DSCAM: variants seen among roughly 807,000 people sequenced by gnomAD.
The protein encoded by DSCAM is cell adhesion molecule DSCAM.
In DSCAM, 47 loss-of-function variants were observed where a neutral mutation model predicts 217.7. That is an observed-to-expected ratio of 0.22 (90% CI 0.17 to 0.28). The LOEUF is 0.28. Among genes scored for constraint, DSCAM ranks in the 10% least tolerant of loss-of-function variants. The probability of loss-of-function intolerance (pLI) is 1.00; values close to 1 mark genes in which losing one functional copy is unlikely to be tolerated. For synonymous variants in DSCAM, 1,056 were observed against 1,015.3 expected (o/e 1.04, Z -0.76); for missense variants, 2,080 against 2,618.3 (o/e 0.79, Z 4.49).
intron 21 of DSCAM, among the ~76,000 whole-genome samples, chr21:40,090,602 A>G (rs1203812086): frequency 1.3e-5 from 2 of 151,256 alleles, no homozygotes; most frequent in Non-Finnish European, 2.9e-5. Context: ...ACAGCCTAAC[A>G]CCCTCCTGGC....
Position 40,108,735 on chromosome 21 carries a change from C to T in DSCAM, c.3697-14861G>A, listed in dbSNP as rs146050038. 2.9e-3 allele frequency among the ~76,000 whole-genome samples: 445 copies of T among 152,296 alleles called. 3 individuals are homozygous for T. The highest frequency in any genetic ancestry group is 9.4e-3 in the African/African-American group (390 of 41,556). On this transcript the variant is annotated intron_variant, in intron 20 of 32. Coordinates refer to ENST00000400454, the MANE Select transcript of DSCAM (RefSeq NM_001389.5). ...GAACAAAGCTAGAAGCATCATGCTA[C>T]TGGACTTCAAACTATACTACAGGGC...
At chr21:40,844,938 C>G (rs1316773149) in intron 1 of DSCAM, among the ~76,000 whole-genome samples, 1 of 152,194 alleles carries the variant, frequency 6.6e-6, no homozygotes, top group African/African-American at 2.4e-5. Context: ...CCAAGGAGTT[C>G]AGAAAGGTAC....
chr21:40,375,138 C>G (rs1325555709), intron 3 of DSCAM, among the ~76,000 whole-genome samples: 1 of 152,172 alleles, frequency 6.6e-6, no homozygotes. Flanking sequence ...TTTTATCTAA[C>G]AGGAAGGCCC....
chr21:40,456,499 G>A (rs1299180754), intron 3 of DSCAM, among the ~76,000 whole-genome samples: 1 of 151,916 alleles, frequency 6.6e-6, no homozygotes, highest in East Asian at 1.9e-4. Flanking sequence ...GGAATTGCAG[G>A]GGCTGTAAAA....
intron 3 of DSCAM, among the ~76,000 whole-genome samples, chr21:40,546,435 A>G (rs546961106): frequency 1.3e-5 from 2 of 152,330 alleles, no homozygotes; most frequent in South Asian, 2.1e-4. Flanking sequence ...CTGGATTCAA[A>G]TAACAGCCAC....
intron 20 of DSCAM, among the ~76,000 whole-genome samples, chr21:40,111,960 A>T (rs1024654514): frequency 1.3e-5 from 2 of 152,022 alleles, no homozygotes; most frequent in African/African-American, 4.8e-5. Context: ...CCCACACAAT[A>T]ATAATGGGAG....
intron 3 of DSCAM, among the ~76,000 whole-genome samples, chr21:40,623,780 T>C (rs1226217512): frequency 6.6e-6 from 1 of 152,226 alleles, no homozygotes; most frequent in Non-Finnish European, 1.5e-5. Flanking sequence ...TGTAAATATG[T>C]GGTCAAGAGA....
intron 14 of DSCAM, among the ~76,000 whole-genome samples, chr21:40,181,128 C>T (rs2090795331): frequency 6.6e-6 from 1 of 152,300 alleles, no homozygotes; most frequent in Non-Finnish European, 1.5e-5. Flanking sequence ...ACACTTGCCA[C>T]TTTTCAGATC....
At chr21:40,823,760 G>C (rs2091947533) in intron 1 of DSCAM, among the ~76,000 whole-genome samples, 1 of 152,188 alleles carries the variant, frequency 6.6e-6, no homozygotes, top group Non-Finnish European at 1.5e-5. Flanking sequence ...TGTCAGTTAT[G>C]AGTTGATTGA....
chr21:40,761,310 G>T (rs1239957290), intron 1 of DSCAM, among the ~76,000 whole-genome samples: 1 of 152,034 alleles, frequency 6.6e-6, no homozygotes, highest in Non-Finnish European at 1.5e-5. Flanking sequence ...CTAGCTTCTA[G>T]AATCTACATG....
intron 3 of DSCAM, among the ~76,000 whole-genome samples, chr21:40,464,298 G>A (rs768101052): frequency 2.4e-4 from 37 of 152,186 alleles, no homozygotes; most frequent in Non-Finnish European, 5.3e-4. Context: ...CAGGGAGCAG[G>A]TGGAGCAGGG....
In DSCAM at chr21:40,013,360, G is replaced by T; in HGVS notation, c.5713C>A (p.Leu1905Ile). Residue 1905 changes from leucine (L) to isoleucine (I), a missense_variant, in exon 33 of 33, where the codon CTT (leucine) becomes ATT (isoleucine). Transcript: ENST00000400454. ...CGGTTTAACAAAAAGTCCATTCTAA[G>T]GTATGGAGGCAAATGTATGAGGTCA... The part of the protein sequence containing the change: ...PGDLIHLPPY[L>I]RMDFLLNRGG... 6.3e-7 allele frequency: 1 copy of T among 1,581,630 alleles called. No homozygotes were observed. Among genetic ancestry groups the T allele is most frequent in the Non-Finnish European group, 8.6e-7 (1 of 1,164,618 alleles).
intron 1 of DSCAM, among the ~76,000 whole-genome samples, chr21:40,818,398 T>G (rs1601305656): frequency 6.6e-6 from 1 of 150,732 alleles, no homozygotes; most frequent in East Asian, 2.0e-4. Context: ...TACAAAAAAT[T>G]AGCTGGGTGT....
chr21:40,645,055 C>T (rs563341252), intron 3 of DSCAM, among the ~76,000 whole-genome samples: 4 of 152,194 alleles, frequency 2.6e-5, no homozygotes, highest in East Asian at 3.9e-4. Flanking sequence ...ATACACATAC[C>T]GGGGGCTGCC....
intron 3 of DSCAM, among the ~76,000 whole-genome samples, chr21:40,454,176 C>T (rs190517149): frequency 6.6e-6 from 1 of 152,278 alleles, no homozygotes; most frequent in East Asian, 1.9e-4. Context: ...TATCAAATGT[C>T]TAAACTCTCA....
intron 11 of DSCAM, among the ~76,000 whole-genome samples, chr21:40,207,338 A>G (rs1049401277): frequency 7.2e-5 from 11 of 152,128 alleles, no homozygotes; most frequent in African/African-American, 2.7e-4. Flanking sequence ...GAAAGTGTCC[A>G]GTTTGGTAGG....
chr21:40,378,545 T>C (rs16998068), intron 3 of DSCAM, among the ~76,000 whole-genome samples: 7,514 of 133,254 alleles, frequency 0.056, 439 homozygotes, highest in African/African-American at 0.15. Context: ...AATTTAACAA[T>C]GAAAACTTAT....
At chr21:40,220,049 G>A (rs2091277205) in intron 11 of DSCAM, among the ~76,000 whole-genome samples, 1 of 152,162 alleles carries the variant, frequency 6.6e-6, no homozygotes, top group South Asian at 2.1e-4. Context: ...GCTGTAAACT[G>A]TTTTCAACGT....
At chr21:40,830,627 C>T (rs778283549) in intron 1 of DSCAM, among the ~76,000 whole-genome samples, 1 of 152,166 alleles carries the variant, frequency 6.6e-6, no homozygotes, top group Non-Finnish European at 1.5e-5. Flanking sequence ...TCAATGTATG[C>T]CTTCTCTAGG....
Sources: allele counts gnomAD v4.1 joint callset (sites outside exome capture counted in the v4.1 genomes callset), GRCh38; gene constraint gnomAD v4.1.1; transcripts MANE v1.5; gene names NCBI Gene and HGNC (gene_info 2026-07-23, HGNC 2026-07-21).